The following BTBD2 variants were observed in gnomAD, a reference collection of about 807,000 sequenced individuals.
BTBD2 encodes the protein BTB/POZ domain-containing protein 2.
In BTBD2, 15 loss-of-function variants were observed where a neutral mutation model predicts 44.0. The ratio of observed to expected loss-of-function variants is 0.34; its 90% CI spans 0.23 to 0.53. The LOEUF (loss-of-function observed/expected upper bound fraction) is 0.53. BTBD2 is among the 20% of genes least tolerant of loss of function. The probability of loss-of-function intolerance (pLI) is 0.95; values close to 1 mark genes in which losing one functional copy is unlikely to be tolerated. For missense variants in BTBD2, 657 were observed against 746.4 expected, an observed-to-expected ratio of 0.88 and a Z score of 1.39; for synonymous variants, 443 against 335.9, an observed-to-expected ratio of 1.32 and a Z score of -3.49.
intron 3 of BTBD2, chr19:1,992,186 G>C (rs1202375557): frequency 6.6e-6 from 1 of 151,858 alleles, no homozygotes; most frequent in East Asian, 1.9e-4. Flanking sequence ...TCAACCTCCC[G>C]GGCTCAGGCA....
chr19:2,006,920 C>T (rs1035330854), intron 1 of BTBD2, among the ~76,000 whole-genome samples: 5 of 152,086 alleles, frequency 3.3e-5, no homozygotes, highest in African/African-American at 4.8e-5. Context: ...TGCAGTGACG[C>T]GATCTCGGCT....
At position 2,000,017 on chromosome 19, in the gene BTBD2, G is replaced by C. The variant is rs117541030; in HGVS notation, c.408-2554C>G. ...GAAAAAAGAAACAGAGTGGGCGGCC[G>C]CATGAAGCAGGGACTGGAGCGATGC... is the stretch of plus-strand genomic sequence containing the variant. On this transcript the variant is annotated intron_variant, in intron 1 of 8. Transcript: ENST00000255608. Among the ~76,000 whole-genome samples the C allele has an allele frequency of 1.0e-2, 1,518 of 151,906 alleles. 14 individuals carry two copies. The highest frequency in any genetic ancestry group is 0.034 in the Middle Eastern group (10 of 292).
chr19:1,990,611 G>T, intron 4 of BTBD2, 106 bp downstream of exon 4: 1 of 1,055,280 alleles, frequency 9.5e-7, no homozygotes, highest in Non-Finnish European at 1.4e-6. Context: ...TGAGGCCCCA[G>T]CTCACCTGTG....
intron 3 of BTBD2, 55 bp downstream of exon 3, chr19:1,992,961 CCCGG>C: frequency 2.2e-6 from 2 of 928,592 alleles, no homozygotes; most frequent in Non-Finnish European, 3.0e-6. Context: ...TCCGCCCCAC[CCCGG>C]CCCCGCCTCC....
chr19:2,005,344 C>G (rs1483125482), intron 1 of BTBD2, among the ~76,000 whole-genome samples: 6 of 152,056 alleles, frequency 3.9e-5, no homozygotes, highest in Non-Finnish European at 7.4e-5. Context: ...GAGGCAGGGT[C>G]TCACTCTGTC....
intron 1 of BTBD2, among the ~76,000 whole-genome samples, chr19:1,999,868 A>G (rs1029373425): frequency 6.7e-6 from 1 of 150,106 alleles, no homozygotes. Flanking sequence ...AGGCTGAGGC[A>G]GGAGAATTGC....
intron 1 of BTBD2, among the ~76,000 whole-genome samples, chr19:1,998,802 C>A (rs940652754): frequency 6.6e-6 from 1 of 152,124 alleles, no homozygotes; most frequent in Non-Finnish European, 1.5e-5. Context: ...GGGGCACAGA[C>A]GCTGGTGGGG....
In BTBD2 at chr19:1,987,180, G is replaced by C; in HGVS notation, c.1255C>G (p.Gln419Glu). ...YGSIHGPTDYQVNIQIIHTDS... is the reference protein window; with the variant it reads ...YGSIHGPTDYEVNIQIIHTDS... ...GGGGCTGGTACCTGGATGTTCACTT[G>C]GTAGTCGGTGGGCCCGTGGATGGAT... Residue 419 changes from glutamine to glutamate, a missense_variant, in exon 7 of 9, where the codon CAA (glutamine) becomes GAA (glutamate). By Grantham distance (29) the Gln-to-Glu change is conservative. Transcript: ENST00000255608. 1 of 1,613,788 alleles carries C rather than the reference G, an allele frequency of 6.2e-7. No homozygotes were observed. Among genetic ancestry groups the C allele is most frequent in the Non-Finnish European group, 8.5e-7 (1 of 1,179,800 alleles).
intron 5 of BTBD2, 151 bp from the exon 6 acceptor site, chr19:1,987,843 G>A: frequency 1.4e-6 from 1 of 720,266 alleles, no homozygotes; most frequent in Non-Finnish European, 2.2e-6. Context: ...CTAGCCACCA[G>A]CCATGGCCCC....
chr19:2,001,380 TACTC>T (rs2016328345), intron 1 of BTBD2, among the ~76,000 whole-genome samples: 1 of 152,064 alleles, frequency 6.6e-6, no homozygotes, highest in South Asian at 2.1e-4. Flanking sequence ...TAATCCCAGA[TACTC>T]AGGAGGCTGA....
chr19:1,987,282 T>A (rs1568213684), intron 6 of BTBD2, 29 bp from the exon 7 acceptor site: 9 of 1,610,336 alleles, frequency 5.6e-6, no homozygotes, highest in Non-Finnish European at 7.6e-6. Context: ...GGCAGCAGCG[T>A]GGATACCCAG....
At chr19:1,989,966 C>T (rs749280312) in intron 5 of BTBD2, 38 bp downstream of exon 5, 40 of 1,607,992 alleles carry the variant, frequency 2.5e-5, no homozygotes, top group South Asian at 2.3e-4. Context: ...GTGTGCCACT[C>T]CCCTCCCAAA....
chr19:1,990,186 A>G lies in BTBD2; in HGVS notation c.806T>C (p.Val269Ala). The G allele has an allele frequency of 6.2e-7, 1 of 1,602,376 alleles. No homozygotes were observed. Among genetic ancestry groups the G allele is most frequent in the Non-Finnish European group, 8.5e-7 (1 of 1,175,434 alleles). ...TDIDLDTLVA[V>A]LERDTLGIRE... is the part of the protein sequence containing the mutation. ...GATGCCCAGTGTGTCGCGCTCCAGG[A>G]CAGCCACCAGCGTGTCTGTGGGGTG... is the stretch of plus-strand genomic sequence containing the variant. The change falls in exon 5 of 9, where the codon GTC (valine) becomes GCC (alanine). Residue 269 changes from valine to alanine, a missense_variant. Val to Ala is a moderately conservative substitution (Grantham distance 64). Around this residue, in one of 3 missense-constraint regions of BTBD2, gnomAD observed 449 missense variants for 510.9 expected, o/e 0.88. Coordinates refer to ENST00000255608, the MANE Select transcript of BTBD2 (RefSeq NM_017797.4).
chr19:1,986,346 C>G lies in BTBD2; in HGVS notation c.*142G>C. The G allele has an allele frequency of 4.7e-6, 5 of 1,074,292 alleles. No homozygotes were observed. Among genetic ancestry groups the G allele is most frequent in the Non-Finnish European group, 6.8e-6 (5 of 732,168 alleles). The allele number at this position is 1,074,292 out of a possible 1,614,324, so 66.5% of individuals were successfully genotyped here. A position where few individuals can be genotyped will look rare whatever the true frequency, so the allele number is the denominator to read the frequency against. ...AACACAGGGCAACCCCGTCCTGATG[C>G]TGAGAAAGGTGGCATGGAGTGGACA... On this transcript the variant is annotated 3_prime_UTR_variant, in exon 9 of 9. Coordinates refer to ENST00000255608, the MANE Select transcript of BTBD2 (RefSeq NM_017797.4).
intron 6 of BTBD2, 111 bp downstream of exon 6, chr19:1,987,389 C>T (rs1330217356): frequency 2.8e-5 from 38 of 1,360,548 alleles, no homozygotes; most frequent in Non-Finnish European, 1.6e-5. Context: ...GCCCCCCCGC[C>T]GTCTTCATCA....
intron 1 of BTBD2, among the ~76,000 whole-genome samples, chr19:2,001,551 T>A (rs902096638): frequency 1.3e-5 from 2 of 152,152 alleles, no homozygotes; most frequent in Non-Finnish European, 2.9e-5. Flanking sequence ...AAAGGGCCAA[T>A]GATTCCGTGA....
At chr19:1,990,933 G>C in intron 3 of BTBD2, 111 bp from the exon 4 acceptor site, 1 of 1,017,036 alleles carries the variant, frequency 9.8e-7, no homozygotes, top group African/African-American at 1.6e-5. Flanking sequence ...GGGCCTTCCT[G>C]AGCGTGGCCA....
chr19:1,998,830 G>A (rs535440725), intron 1 of BTBD2, among the ~76,000 whole-genome samples: 133 of 152,126 alleles, frequency 8.7e-4, no homozygotes, highest in South Asian at 3.3e-3. Context: ...ACAGACGCTC[G>A]CGAAGTGGGA....
chr19:2,008,938 G>C (rs949697429), intron 1 of BTBD2, among the ~76,000 whole-genome samples: 1 of 151,806 alleles, frequency 6.6e-6, no homozygotes, highest in African/African-American at 2.4e-5. Context: ...ATACCACAAA[G>C]CAGCAATCAT....
Sources: gnomAD v4.1 joint callset for allele counts (sites outside exome capture counted in the v4.1 genomes callset) on GRCh38, gnomAD v4.1.1 for gene constraint, gnomAD v4.1.1 regional missense constraint, MANE v1.5 for transcripts, NCBI Gene and HGNC (gene_info 2026-07-23, HGNC 2026-07-21) for gene names.